PLEKHA4: variants seen among roughly 807,000 people sequenced by gnomAD.
PLEKHA4 encodes pleckstrin homology domain containing A4.
PLEKHA4 carries 73 observed loss-of-function variants against 94.7 expected under a neutral mutation model. That is an observed-to-expected ratio of 0.77 (90% CI 0.64 to 0.94). The LOEUF (loss-of-function observed/expected upper bound fraction) is 0.94, where lower values mean the gene tolerates loss of function less well. Ranked by LOEUF, PLEKHA4 falls within the 40% of genes least tolerant of loss-of-function variation. The pLI is 0.00. For missense variants in PLEKHA4, 1,049 were observed against 1,054.1 expected (o/e 1.00, Z 0.07); for synonymous variants, 449 against 437.1 (o/e 1.03, Z -0.34).
In PLEKHA4 at chr19:48,837,969, G is replaced by GCT. The variant is rs1298073292; in HGVS notation, c.2077+46_2077+47dup. On this transcript the variant is annotated intron_variant, in intron 19 of 19. Transcript: ENST00000263265. This position sits in a 1 kb window ranked among gnomAD's most constrained non-coding sequence, Gnocchi z 4.3. ...CAGGACCTGGGATTCCAGGTCTCCA[G>GCT]CTCTCTCCTCCCTAAAACCCAGAAG... The GCT allele has an allele frequency of 2.7e-6, 4 of 1,481,398 alleles. No individual in the cohort carries two copies. Among genetic ancestry groups the GCT allele is most frequent in the Non-Finnish European group, 3.8e-6 (4 of 1,065,316 alleles). The allele number at this position is 1,481,398 out of a possible 1,614,324, so 91.8% of individuals were successfully genotyped here.
At chr19:48,847,276 A>C (rs187117905) in intron 14 of PLEKHA4, among the ~76,000 whole-genome samples, 1 of 152,164 alleles carries the variant, frequency 6.6e-6, no homozygotes, top group East Asian at 1.9e-4. Context: ...CAATAAACAA[A>C]CAACCAAAAA....
At chr19:48,838,766 CAAA>C (rs58253636) in intron 18 of PLEKHA4, among the ~76,000 whole-genome samples, 2 of 102,592 alleles carry the variant, frequency 1.9e-5, no homozygotes, top group Admixed American at 1.1e-4. Context: ...GACTCCGTCT[CAAA>C]AAAAAAAAAA....
chr19:48,848,384 G>T (rs2036050430), intron 13 of PLEKHA4, among the ~76,000 whole-genome samples: 1 of 151,002 alleles, frequency 6.6e-6, no homozygotes. Context: ...TACTTGGGAG[G>T]CTGAGGCAGG....
chr19:48,851,499 C>G (rs907513556), intron 13 of PLEKHA4, among the ~76,000 whole-genome samples: 8 of 151,478 alleles, frequency 5.3e-5, no homozygotes, highest in African/African-American at 1.9e-4. Flanking sequence ...ACCTGTAATC[C>G]CAGTTACTCA....
intron 12 of PLEKHA4, among the ~76,000 whole-genome samples, 180 bp downstream of exon 12, chr19:48,853,502 C>CAA (rs35416059): frequency 7.4e-6 from 1 of 135,198 alleles, no homozygotes; most frequent in Admixed American, 7.4e-5. Context: ...CTGTCCCCCC[C>CAA]AAAAAAAAAA....
rs747667236 is a variant in PLEKHA4 at position 48,859,685 on chromosome 19, C to CTGGG, written c.477-2_477-1insCCCA. On this transcript the variant is annotated splice_acceptor_variant, in intron 6 of 19. Coordinates refer to ENST00000263265, the MANE Select transcript of PLEKHA4 (RefSeq NM_020904.3). LOFTEE classifies it high-confidence loss of function. ...TCGTGCAGGTGACCTGGGTTGCCCA[C>CTGGG]TAGCGAGTGGACATAGACAAGATAT... is the stretch of plus-strand genomic sequence containing the variant. 1.2e-6 allele frequency: 2 copies of CTGGG among 1,610,968 alleles called. No individual in the cohort carries two copies. The highest frequency in any genetic ancestry group is 4.5e-5 in the East Asian group (2 of 44,880).
chr19:48,849,941 A>T (rs1599886458), intron 13 of PLEKHA4, among the ~76,000 whole-genome samples: 1 of 152,276 alleles, frequency 6.6e-6, no homozygotes, highest in Middle Eastern at 3.4e-3. Flanking sequence ...GGCCGGGCGC[A>T]GTAGCTCATG....
chr19:48,838,278 A>T, intron 18 of PLEKHA4, 149 bp from the exon 19 acceptor site: 1 of 510,832 alleles, frequency 2.0e-6, no homozygotes. Context: ...TTAATTGTAC[A>T]TTTTTAAATA....
At position 48,839,217 on chromosome 19, in the gene PLEKHA4, C is replaced by G. The variant is rs1236580227; in HGVS notation, c.1952G>C (p.Gly651Ala). 6.3e-7 allele frequency: 1 copy of G among 1,597,418 alleles called. No homozygotes were observed. The highest frequency in any genetic ancestry group is 1.7e-5 in the Admixed American group (1 of 58,752). ...TCCAGTTCCTTACCTACTCCAGGAC[C>G]CAGAGCTTCTGAGCCATTTCTGGGC... The part of the protein sequence containing the change: ...SGAQKWLRSS[G>A]SWSSPRNTTP... The change falls in exon 18 of 20, where the codon GGG becomes GCG. Residue 651 changes from glycine to alanine, a missense_variant. Physicochemically the swap from Gly to Ala is moderately conservative, Grantham distance 60. Coordinates refer to ENST00000263265, the MANE Select transcript of PLEKHA4 (RefSeq NM_020904.3).
In PLEKHA4 at chr19:48,837,497, G is replaced by C. The variant is rs769136977; in HGVS notation, c.2132C>G (p.Ser711Trp). 6.2e-7 allele frequency: 1 copy of C among 1,613,056 alleles called. No homozygotes were observed. The highest frequency in any genetic ancestry group is 1.1e-5 in the South Asian group (1 of 91,060). The change falls in exon 20 of 20, where the codon TCG becomes TGG. Residue 711 changes from serine (S) to tryptophan (W), a missense_variant. Transcript: ENST00000263265. This position sits in a 1 kb window ranked among gnomAD's most constrained non-coding sequence, Gnocchi z 4.3. ...DPLPGVPLPP[S>W]DPTRQETPPP... ...AGGGGTCTCCTGGCGCGTGGGGTCC[G>C]AAGGAGGCAGCGGCACACCGGGAAG...
At chr19:48,846,546 C>G (rs1054452223) in intron 14 of PLEKHA4, among the ~76,000 whole-genome samples, 2 of 151,942 alleles carry the variant, frequency 1.3e-5, no homozygotes, top group African/African-American at 4.8e-5. Context: ...ATGGGAGGAT[C>G]ACTTGAGACC....
At chr19:48,839,343 C>A in intron 17 of PLEKHA4, 80 bp from the exon 18 acceptor site, 2 of 961,338 alleles carry the variant, frequency 2.1e-6, no homozygotes, top group South Asian at 2.0e-5. Context: ...AAGGGGGCTC[C>A]AAAAGAGAAT....
In PLEKHA4 at chr19:48,837,374, C is replaced by A. The variant is rs768519198; in HGVS notation, c.2255G>T (p.Trp752Leu). 1 of 1,613,774 alleles carries A rather than the reference C, an allele frequency of 6.2e-7. No homozygotes were observed. Among genetic ancestry groups the A allele is most frequent in the Non-Finnish European group, 8.5e-7 (1 of 1,179,982 alleles). The change falls in exon 20 of 20, where the codon TGG becomes TTG. Residue 752 changes from tryptophan to leucine, a missense_variant. Physicochemically the swap from Trp to Leu is moderately conservative, Grantham distance 61. Transcript: ENST00000263265. This position sits in a 1 kb window ranked among gnomAD's most constrained non-coding sequence, Gnocchi z 4.3. ...GGGPTPWGPA[W>L]DAGIAPPVLP... ...GACCGGAGGGGCGATCCCGGCATCCCACGCGGGCCCCCAGGGGGTGGGACC... is the reference window on the plus strand; with the variant it reads ...GACCGGAGGGGCGATCCCGGCATCCAACGCGGGCCCCCAGGGGGTGGGACC...
rs2036402349 is a variant in PLEKHA4 at position 48,856,242 on chromosome 19, G to T, written c.1047+1180C>A. Among the ~76,000 whole-genome samples, 3 of 143,672 alleles carry T rather than the reference G, an allele frequency of 2.1e-5. No individual in the cohort carries two copies. The Admixed American group carries it at 2.1e-4, about 10-fold the overall frequency. 94.3% of individuals were successfully genotyped at this position (143,672 alleles called of 152,430 possible). A position where few individuals can be genotyped will look rare whatever the true frequency, so the allele number is the denominator to read the frequency against. On this transcript the variant is annotated intron_variant, in intron 9 of 19. Transcript: ENST00000263265. Reference sequence around the variant, plus strand: ...GAGAGAAAAAGGAAAGGAAAGGAAAGAACGAGGAGGGGAGGGGAAGGGGAA... The same window carrying T: ...GAGAGAAAAAGGAAAGGAAAGGAAATAACGAGGAGGGGAGGGGAAGGGGAA...
At chr19:48,838,535 G>A (rs748490584) in intron 18 of PLEKHA4, among the ~76,000 whole-genome samples, 4 of 150,564 alleles carry the variant, frequency 2.7e-5, no homozygotes, top group Non-Finnish European at 5.9e-5. Context: ...AGGCCGAGGC[G>A]GGCGGATCAC....
chr19:48,859,145 G>A lies in PLEKHA4; in HGVS notation c.693-6C>T, dbSNP rs1167119247. The A allele has an allele frequency of 2.0e-6, 3 of 1,520,490 alleles. No homozygotes were observed. The highest frequency in any genetic ancestry group is 1.4e-5 in the African/African-American group (1 of 72,128). The allele number at this position is 1,520,490 out of a possible 1,614,324, so 94.2% of individuals were successfully genotyped here. A position where few individuals can be genotyped will look rare whatever the true frequency, so the allele number is the denominator to read the frequency against. ...GAGAGAGGGGGGTGAACAGGCTGTGGGAAGGAGAGAATCGGGGAACTGAGT... is the reference window on the plus strand; with the variant it reads ...GAGAGAGGGGGGTGAACAGGCTGTGAGAAGGAGAGAATCGGGGAACTGAGT... On this transcript the variant is annotated splice_polypyrimidine_tract_variant and splice_region_variant and intron_variant, in intron 7 of 19. Coordinates refer to ENST00000263265, the MANE Select transcript of PLEKHA4 (RefSeq NM_020904.3).
At chr19:48,845,311 G>T in intron 16 of PLEKHA4, 59 bp downstream of exon 16, 1 of 1,529,636 alleles carries the variant, frequency 6.5e-7, no homozygotes, top group African/African-American at 1.4e-5. Flanking sequence ...CTGTTTCCCA[G>T]AAGTGTGGGG....
chr19:48,838,085 CG>C lies in PLEKHA4; in HGVS notation c.2008del (p.Arg670GlyfsTer21), dbSNP rs1335949991. The C allele has an allele frequency of 6.2e-7, 1 of 1,606,250 alleles. No individual in the cohort carries two copies. Among genetic ancestry groups the C allele is most frequent in the Admixed American group, 1.7e-5 (1 of 59,482 alleles). ...TTGGGAGAGGCTGAGAACCCGCTCC[CG>C]GTGACCTTCGGAAGTCGGCAAGTAA... ...TPYLPTSEGH[R>X]ERVLSLSQAL... On this transcript the variant is annotated frameshift_variant, in exon 19 of 20. Transcript: ENST00000263265. LOFTEE classifies it high-confidence loss of function.
intron 9 of PLEKHA4, among the ~76,000 whole-genome samples, chr19:48,856,349 C>T (rs570753872): frequency 3.8e-5 from 5 of 131,392 alleles, no homozygotes; most frequent in African/African-American, 1.3e-4. Context: ...TTTGGGAGGC[C>T]GAGGCGGGCA....
Sources: gnomAD v4.1 joint callset for allele counts (sites outside exome capture counted in the v4.1 genomes callset) on GRCh38, gnomAD v4.1.1 for gene constraint, Gnocchi (gnomAD v3.1) non-coding constraint, MANE v1.5 for transcripts, NCBI Gene and HGNC (gene_info 2026-07-23, HGNC 2026-07-21) for gene names.